KCNQ1: variants seen among roughly 807,000 people sequenced by gnomAD.
KCNQ1 encodes the protein potassium voltage-gated channel subfamily KQT member 1.
KCNQ1 carries 49 observed loss-of-function variants against 72.4 expected under a neutral mutation model. That is an observed-to-expected ratio of 0.68 (90% CI 0.54 to 0.86). The LOEUF is 0.86. KCNQ1 is among the 40% of genes least tolerant of loss of function. The probability of loss-of-function intolerance (pLI) is 0.00; values close to 1 mark genes in which losing one functional copy is unlikely to be tolerated. For synonymous variants in KCNQ1, 450 were observed against 412.6 expected (o/e 1.09, Z -1.10); for missense variants, 790 against 945.1 (o/e 0.84, Z 2.15).
chr11:2,761,389 T>A (rs1301857010), intron 11 of KCNQ1, among the ~76,000 whole-genome samples: 1 of 152,180 alleles, frequency 6.6e-6, no homozygotes, highest in East Asian at 1.9e-4. Context: ...TCCAGCCGCT[T>A]GTGTGTCTGC....
chr11:2,814,716 C>A (rs1217512984), intron 15 of KCNQ1, among the ~76,000 whole-genome samples: 1 of 152,074 alleles, frequency 6.6e-6, no homozygotes, highest in Non-Finnish European at 1.5e-5. Context: ...GTAGCTAAAG[C>A]ACCTCAAGCA....
intron 15 of KCNQ1, among the ~76,000 whole-genome samples, chr11:2,843,975 G>A (rs1161194714): frequency 1.3e-5 from 2 of 152,126 alleles, no homozygotes; most frequent in Admixed American, 6.5e-5. Flanking sequence ...TTGGGGAACC[G>A]GCCCCAGTGC....
At chr11:2,667,694 C>A (rs1179341206) in intron 11 of KCNQ1, 3 of 398,642 alleles carry the variant, frequency 7.5e-6, no homozygotes, top group Non-Finnish European at 1.3e-5. Flanking sequence ...ACGGAGGTGA[C>A]CTAGTCAGGA....
chr11:2,584,390 TGTGTGG>T (rs1473656755), intron 7 of KCNQ1, among the ~76,000 whole-genome samples: 2 of 151,282 alleles, frequency 1.3e-5, no homozygotes, highest in East Asian at 3.8e-4. Flanking sequence ...TGTGTGTTAG[TGTGTGG>T]GTTTGTGTTT....
In KCNQ1 at chr11:2,565,866, G is replaced by C. The variant is rs1848239730; in HGVS notation, c.478-4762G>C. ...CCTGACCCTGAACGTCTTTGTCCCA[G>C]GCCCTTCACTGGGTCTGGAGGAAGG... On this transcript the variant is annotated intron_variant, in intron 2 of 15. Coordinates refer to ENST00000155840, the MANE Select transcript of KCNQ1 (RefSeq NM_000218.3). The surrounding 1 kb of genome is among the most constrained non-coding windows in gnomAD (Gnocchi z 5.6). Among the ~76,000 whole-genome samples, 1 of 152,208 alleles carries C rather than the reference G, an allele frequency of 6.6e-6. No homozygotes were observed. The highest frequency in any genetic ancestry group is 2.1e-4 in the South Asian group (1 of 4,836).
rs1846102212 is a variant in KCNQ1, at chr11:2,450,126, CA to C, written c.386+4643del. On this transcript the variant is annotated intron_variant, in intron 1 of 15. Coordinates refer to ENST00000155840, the MANE Select transcript of KCNQ1 (RefSeq NM_000218.3). The surrounding 1 kb of genome is among the most constrained non-coding windows in gnomAD (Gnocchi z 7.9). ...GTGGACGAGCCCTCCGTAGCCCTGACATTCCAAACTGGCTTTTGGCCCCTGC... is the reference window on the plus strand; with the variant it reads ...GTGGACGAGCCCTCCGTAGCCCTGACTTCCAAACTGGCTTTTGGCCCCTGC... Among the ~76,000 whole-genome samples, 1 of 152,226 alleles carries C rather than the reference CA, an allele frequency of 6.6e-6. No homozygotes were observed. The highest frequency in any genetic ancestry group is 1.5e-5 in the Non-Finnish European group (1 of 68,042).
Position 2,600,275 on chromosome 11 carries a change from C to G in KCNQ1, c.1393+11421C>G, listed in dbSNP as rs563090324. ...AGGGCAAAATTGCCCCCAGTTGTGACCTGCTGAGCTAAAGCAGTCCCTCAG... is the reference window on the plus strand; with the variant it reads ...AGGGCAAAATTGCCCCCAGTTGTGAGCTGCTGAGCTAAAGCAGTCCCTCAG... On this transcript the variant is annotated intron_variant, in intron 10 of 15. Coordinates refer to ENST00000155840, the MANE Select transcript of KCNQ1 (RefSeq NM_000218.3). This position sits in a 1 kb window ranked among gnomAD's most constrained non-coding sequence, Gnocchi z 5.6. Among the ~76,000 whole-genome samples, 1 of 152,280 alleles carries G rather than the reference C, an allele frequency of 6.6e-6. No homozygotes were observed. Among genetic ancestry groups the G allele is most frequent in the Admixed American group, 6.5e-5 (1 of 15,306 alleles).
At chr11:2,640,613 A>G in intron 10 of KCNQ1, 2 of 392,388 alleles carry the variant, frequency 5.1e-6, no homozygotes, top group Non-Finnish European at 4.4e-6. Context: ...TACATGTGCT[A>G]TTGTTACATG....
At position 2,746,035 on chromosome 11, in the gene KCNQ1, G is replaced by A. The variant is rs1846134621; in HGVS notation, c.1515-22809G>A. 6.6e-6 allele frequency among the ~76,000 whole-genome samples: 1 copy of A among 152,148 alleles called. No individual in the cohort carries two copies. The highest frequency in any genetic ancestry group is 6.5e-5 in the Admixed American group (1 of 15,288). On this transcript the variant is annotated intron_variant, in intron 11 of 15. Transcript: ENST00000155840. This position sits in a 1 kb window ranked among gnomAD's most constrained non-coding sequence, Gnocchi z 5.9. ...CTCCTGAGTAGCTGGGACTACAGGTGTGCGCCACCACACCTAGCTAATTTT... is the reference window on the plus strand; with the variant it reads ...CTCCTGAGTAGCTGGGACTACAGGTATGCGCCACCACACCTAGCTAATTTT...
chr11:2,844,533 C>T (rs561397123), intron 15 of KCNQ1, among the ~76,000 whole-genome samples: 1 of 152,320 alleles, frequency 6.6e-6, no homozygotes, highest in African/African-American at 2.4e-5. Flanking sequence ...GAGGCAAGCT[C>T]GGCCCTGTGG....
chr11:2,622,288 T>C, intron 10 of KCNQ1: 1 of 398,370 alleles, frequency 2.5e-6, no homozygotes, highest in Non-Finnish European at 4.4e-6. Context: ...TTCCATTTTC[T>C]CAGTATGTAA....
rs544957091 is a variant in KCNQ1 at position 2,826,415 on chromosome 11, C to T, written c.1795-21352C>T. 1.3e-4 allele frequency among the ~76,000 whole-genome samples: 20 copies of T among 152,356 alleles called. No homozygotes were observed. The highest frequency in any genetic ancestry group is 6.8e-3 in the Middle Eastern group (2 of 294). On this transcript the variant is annotated intron_variant, in intron 15 of 15. Coordinates refer to ENST00000155840, the MANE Select transcript of KCNQ1 (RefSeq NM_000218.3). This position sits in a 1 kb window ranked among gnomAD's most constrained non-coding sequence, Gnocchi z 4.2. ...ACCCGCGGCCAGGCCCAGCAGCCGCCTCTTGGCAGCGCTGATGGAAACCGC... is the reference window on the plus strand; with the variant it reads ...ACCCGCGGCCAGGCCCAGCAGCCGCTTCTTGGCAGCGCTGATGGAAACCGC...
intron 11 of KCNQ1, among the ~76,000 whole-genome samples, chr11:2,736,229 G>A (rs985652985): frequency 3.3e-5 from 5 of 152,166 alleles, no homozygotes; most frequent in Non-Finnish European, 5.9e-5. Context: ...GCAGTCCAGG[G>A]GATTAGAGGA....
intron 15 of KCNQ1, among the ~76,000 whole-genome samples, chr11:2,829,016 T>C (rs1847891949): frequency 6.6e-6 from 1 of 152,266 alleles, no homozygotes; most frequent in South Asian, 2.1e-4. Flanking sequence ...CAGAATTCTA[T>C]ACCTAGTCAA....
intron 15 of KCNQ1, among the ~76,000 whole-genome samples, chr11:2,836,254 C>T (rs1172815072): frequency 2.0e-5 from 3 of 152,030 alleles, no homozygotes; most frequent in Non-Finnish European, 4.4e-5. Flanking sequence ...AGATTCAAGG[C>T]GGGTGGCTTG....
chr11:2,487,199 T>C (rs925563269), intron 1 of KCNQ1, among the ~76,000 whole-genome samples: 2 of 152,228 alleles, frequency 1.3e-5, no homozygotes, highest in Non-Finnish European at 2.9e-5. Flanking sequence ...CCACGGTTTA[T>C]TTCTGGGCTG....
intron 10 of KCNQ1, among the ~76,000 whole-genome samples, chr11:2,591,435 CG>C (rs1390299049): frequency 1.3e-5 from 2 of 152,352 alleles, no homozygotes; most frequent in East Asian, 3.9e-4. Flanking sequence ...CCCGCCTGCC[CG>C]CTGGAGCCGG....
intron 12 of KCNQ1, among the ~76,000 whole-genome samples, chr11:2,773,162 G>A (rs233438): frequency 0.84 from 127,448 of 151,944 alleles, 53,637 homozygotes; most frequent in African/African-American, 0.91. Context: ...AGGGACATAC[G>A]GAAGGGAGAA....
chr11:2,688,254 G>T, intron 11 of KCNQ1: 2 of 398,736 alleles, frequency 5.0e-6, no homozygotes, highest in Non-Finnish European at 8.8e-6. Context: ...TTTGATCTGA[G>T]AGGGAGGCGC....
Sources: allele counts gnomAD v4.1 joint callset (sites outside exome capture counted in the v4.1 genomes callset), GRCh38; gene constraint gnomAD v4.1.1; non-coding constraint Gnocchi (gnomAD v3.1); transcripts MANE v1.5; gene names NCBI Gene and HGNC (gene_info 2026-07-23, HGNC 2026-07-21).